Variants in PTPN3 observed in about 807,000 individuals in gnomAD.
The protein encoded by PTPN3 is protein tyrosine phosphatase non-receptor type 3.
In PTPN3, 96 loss-of-function variants were observed where a neutral mutation model predicts 132.7. The ratio of observed to expected loss-of-function variants is 0.72; its 90% CI spans 0.61 to 0.86. The LOEUF is 0.86. Ranked by LOEUF, PTPN3 falls within the 40% of genes least tolerant of loss-of-function variation. The pLI, the probability that PTPN3 is intolerant of heterozygous loss-of-function variation, is 0.00. For synonymous variants in PTPN3, 398 were observed against 429.0 expected, an observed-to-expected ratio of 0.93 and a Z score of 0.89; for missense variants, 1,125 against 1,159.6, an observed-to-expected ratio of 0.97 and a Z score of 0.43.
intron 2 of PTPN3, among the ~76,000 whole-genome samples, chr9:109,460,637 C>T (rs1343814656): frequency 6.6e-6 from 1 of 152,238 alleles, no homozygotes; most frequent in East Asian, 1.9e-4. Flanking sequence ...CTGGGATGTG[C>T]TCCCTCCAGA....
intron 1 of PTPN3, among the ~76,000 whole-genome samples, chr9:109,490,355 T>C (rs1847402003): frequency 6.6e-6 from 1 of 152,238 alleles, no homozygotes; most frequent in Admixed American, 6.5e-5. Context: ...GTCCAGGGAC[T>C]GTGCTTGGCA....
chr9:109,392,791 A>T (rs1840242377), intron 19 of PTPN3: 1 of 152,108 alleles, frequency 6.6e-6, no homozygotes, highest in Non-Finnish European at 1.5e-5. Context: ...TTTAGTAGAG[A>T]CAGGGTTTTC....
At chr9:109,524,019 G>A in the PTPN3 span, among the ~76,000 whole-genome samples, 63,446 of 151,900 alleles carry the variant, frequency 0.42, 13,917 homozygotes, top group East Asian at 0.62. Flanking sequence ...GCTGAGGTGG[G>A]AGGATTGCTA....
chr9:109,420,275 T>C, intron 14 of PTPN3, 149 bp downstream of exon 14: 1 of 768,574 alleles, frequency 1.3e-6, no homozygotes, highest in Middle Eastern at 4.0e-4. Context: ...TAGAGTCTGA[T>C]TTATGTTCTT....
the PTPN3 span, among the ~76,000 whole-genome samples, chr9:109,516,655 G>A: frequency 1.3e-5 from 2 of 152,204 alleles, no homozygotes; most frequent in African/African-American, 4.8e-5. Flanking sequence ...GAGCATTGAA[G>A]ATTGTAAGAA....
At chr9:109,406,427 C>T in intron 18 of PTPN3, 35 bp downstream of exon 18, 1 of 1,603,276 alleles carries the variant, frequency 6.2e-7, no homozygotes, top group Non-Finnish European at 8.5e-7. Flanking sequence ...GCTAGGACAG[C>T]TTCCCTATGG....
chr9:109,436,882 C>T lies in PTPN3; in HGVS notation c.675+1G>A, dbSNP rs1036128435. 2 of 1,613,674 alleles carry T rather than the reference C, an allele frequency of 1.2e-6. No homozygotes were observed. The highest frequency in any genetic ancestry group is 1.1e-5 in the South Asian group (1 of 90,982). On this transcript the variant is annotated splice_donor_variant, in intron 9 of 25. Coordinates refer to ENST00000374541, the MANE Select transcript of PTPN3 (RefSeq NM_002829.4). LOFTEE classifies it high-confidence loss of function. ...AGCCAAGACATAACAAGAATACATACCCTACCACTGTGCAGTTCTACTCCA... is the reference window on the plus strand; with the variant it reads ...AGCCAAGACATAACAAGAATACATATCCTACCACTGTGCAGTTCTACTCCA...
intron 22 of PTPN3, among the ~76,000 whole-genome samples, chr9:109,387,771 G>A (rs1289538048): frequency 6.6e-6 from 1 of 152,158 alleles, no homozygotes; most frequent in African/African-American, 2.4e-5. Context: ...CATTATTCAC[G>A]TGTAGTAGCA....
the PTPN3 span, among the ~76,000 whole-genome samples, chr9:109,534,676 C>A: frequency 6.7e-6 from 1 of 149,822 alleles, no homozygotes; most frequent in Admixed American, 6.6e-5. Context: ...GTAGCTTGCG[C>A]CTGTAATCCC....
intron 23 of PTPN3, chr9:109,383,178 C>T (rs1174654345): frequency 1.7e-6 from 1 of 577,384 alleles, no homozygotes; most frequent in African/African-American, 1.9e-5. Flanking sequence ...ATTGTATGGA[C>T]AGACCACGTG....
the PTPN3 span, among the ~76,000 whole-genome samples, chr9:109,513,693 C>CT: frequency 2.0e-5 from 3 of 152,248 alleles, no homozygotes; most frequent in Admixed American, 2.0e-4. Context: ...TGGACATAGT[C>CT]ATGTGTTTGT....
At chr9:109,447,291 T>C (rs952561166) in intron 6 of PTPN3, among the ~76,000 whole-genome samples, 1 of 152,034 alleles carries the variant, frequency 6.6e-6, no homozygotes, top group African/African-American at 2.4e-5. Context: ...CATAAAAAGG[T>C]GACTGCAAAC....
intron 10 of PTPN3, among the ~76,000 whole-genome samples, chr9:109,430,168 C>T (rs997510023): frequency 1.4e-4 from 22 of 152,196 alleles, no homozygotes; most frequent in Non-Finnish European, 2.9e-4. Flanking sequence ...TCTGCCATCT[C>T]CCTGAAGTCG....
In PTPN3 at chr9:109,428,552, C is replaced by G. The variant is rs900305924; in HGVS notation, c.828+69G>C. The stretch of plus-strand genomic sequence containing the variant: ...CCTGAGCTCAGTTTGGGCAACATAG[C>G]GAGACCCTGTCTCTAACCACACACA... On this transcript the variant is annotated intron_variant, in intron 11 of 25. Transcript: ENST00000374541. 8 of 1,518,840 alleles carry G rather than the reference C, an allele frequency of 5.3e-6. No individual in the cohort carries two copies. In the East Asian group the frequency reaches 1.6e-4, roughly 31 times the overall value. The allele number at this position is 1,518,840 out of a possible 1,614,324, so 94.1% of individuals were successfully genotyped here. A position where few individuals can be genotyped will look rare whatever the true frequency, so the allele number is the denominator to read the frequency against.
At chr9:109,448,902 C>CAA (rs35966698) in intron 5 of PTPN3, 47 bp from the exon 6 acceptor site, 16,904 of 1,283,124 alleles carry the variant, frequency 0.013, 26 homozygotes, top group Non-Finnish European at 0.015. Flanking sequence ...CTGAAATAAG[C>CAA]AAAAAAAAAA....
chr9:109,530,478 C>G, the PTPN3 span, among the ~76,000 whole-genome samples: 1 of 152,162 alleles, frequency 6.6e-6, no homozygotes, highest in African/African-American at 2.4e-5. Context: ...TTGGTAGGCA[C>G]TCGGGTTGCT....
At chr9:109,409,762 C>T (rs941161190) in intron 16 of PTPN3, among the ~76,000 whole-genome samples, 1 of 151,868 alleles carries the variant, frequency 6.6e-6, no homozygotes, top group African/African-American at 2.4e-5. Flanking sequence ...CAGTGAGCTG[C>T]GATCGTGCCA....
chr9:109,398,057 T>C (rs1840748160), intron 19 of PTPN3, among the ~76,000 whole-genome samples: 1 of 152,214 alleles, frequency 6.6e-6, no homozygotes, highest in African/African-American at 2.4e-5. Flanking sequence ...GCAGATCCCT[T>C]GAGGCCAGGA....
At chr9:109,533,558 T>C in the PTPN3 span, 1 of 1,599,396 alleles carries the variant, frequency 6.3e-7, no homozygotes, top group South Asian at 1.1e-5. Context: ...TTCATTGCCG[T>C]CCTCTCTAGG....
Sources: gnomAD v4.1 joint callset for allele counts (sites outside exome capture counted in the v4.1 genomes callset) on GRCh38, gnomAD v4.1.1 for gene constraint, MANE v1.5 for transcripts, NCBI Gene and HGNC (gene_info 2026-07-23, HGNC 2026-07-21) for gene names.